Variants in POM121C observed in about 807,000 individuals in gnomAD.
POM121C encodes nuclear envelope pore membrane protein POM 121C.
Under a neutral mutation model 66.4 loss-of-function variants are expected in POM121C, and 20 were observed. That is an observed-to-expected ratio of 0.30 (90% CI 0.21 to 0.44). The LOEUF (loss-of-function observed/expected upper bound fraction) is 0.44. Ranked by LOEUF, POM121C falls within the 20% of genes least tolerant of loss-of-function variation. The pLI is 1.00. For synonymous variants in POM121C, 286 were observed against 528.0 expected (o/e 0.54, Z 6.28); for missense variants, 580 against 1,225.7 (o/e 0.47, Z 7.87).
intron 3 of POM121C, chr7:75,442,423 C>G: frequency 3.5e-6 from 5 of 1,437,156 alleles, no homozygotes; most frequent in Non-Finnish European, 4.5e-6. Context: ...TGGCTGTCGA[C>G]TTGGCCGGAG....
intron 1 of POM121C, among the ~76,000 whole-genome samples, chr7:75,476,363 T>C (rs1352556692): frequency 7.9e-5 from 12 of 151,752 alleles, no homozygotes; most frequent in Admixed American, 1.3e-4. Context: ...TCCCAAAGTA[T>C]TGGGATTACA....
At chr7:75,423,326 C>T in intron 12 of POM121C, 123 bp from the exon 13 acceptor site, 1 of 999,788 alleles carries the variant, frequency 1.0e-6, no homozygotes, top group Non-Finnish European at 1.5e-6. Context: ...TCAATAAACT[C>T]AGCTAAGTCT....
At chr7:75,439,883 A>AT (rs59967197) in intron 5 of POM121C, among the ~76,000 whole-genome samples, 49,698 of 138,756 alleles carry the variant, frequency 0.36, 11,023 homozygotes, top group East Asian at 0.87. Flanking sequence ...CACATAAGGA[A>AT]TTTTTTTTTT....
At chr7:75,472,345 T>C (rs1791911850) in intron 3 of POM121C, among the ~76,000 whole-genome samples, 1 of 151,382 alleles carries the variant, frequency 6.6e-6, no homozygotes. Context: ...AAACCCCGTC[T>C]CTACTAAAAA....
In POM121C at chr7:75,441,113, G is replaced by A; in HGVS notation, c.68C>T (p.Pro23Leu). 6.2e-7 allele frequency: 1 copy of A among 1,612,878 alleles called. No homozygotes were observed. Among genetic ancestry groups the A allele is most frequent in the African/African-American group, 1.3e-5 (1 of 74,856 alleles). ...PDRRFSRSAI[P>L]EQIISSTLSS... is the part of the protein sequence containing the mutation. ...CAGTGTTGAGCTGATTATCTGCTCT[G>A]GTCTATAATGAAAGACAAGATTCTA... The change falls in exon 5 of 15, where the codon CCA becomes CTA. Residue 23 changes from proline (P) to leucine (L), a missense_variant and splice_region_variant. Coordinates refer to ENST00000615331, the MANE Select transcript of POM121C (RefSeq NM_001099415.3).
At chr7:75,427,440 GAAACAAA>G (rs1185737317) in intron 7 of POM121C, among the ~76,000 whole-genome samples, 1 of 147,478 alleles carries the variant, frequency 6.8e-6, no homozygotes, top group Non-Finnish European at 1.5e-5. Context: ...GTCTCAAAAA[GAAACAAA>G]AAACAAAAAC....
chr7:75,483,182 C>A (rs1386218186), intron 1 of POM121C, among the ~76,000 whole-genome samples: 1 of 152,132 alleles, frequency 6.6e-6, no homozygotes, highest in Non-Finnish European at 1.5e-5. Context: ...GGGCAGCAGG[C>A]CCTCTGCTTA....
intron 4 of POM121C, 92 bp downstream of exon 4, chr7:75,441,340 T>C (rs1225701525): frequency 3.3e-5 from 47 of 1,431,988 alleles, no homozygotes; most frequent in Admixed American, 4.0e-5. Flanking sequence ...GTCCTTTCTT[T>C]TTTGCGTTGT....
intron 1 of POM121C, among the ~76,000 whole-genome samples, chr7:75,482,683 C>T (rs2116557518): frequency 6.6e-6 from 1 of 151,932 alleles, no homozygotes; most frequent in South Asian, 2.1e-4. Context: ...GAGCAAGACC[C>T]TATCTCAAAA....
intron 7 of POM121C, among the ~76,000 whole-genome samples, chr7:75,433,574 T>C (rs1190871702): frequency 6.6e-6 from 1 of 152,076 alleles, no homozygotes; most frequent in East Asian, 1.9e-4. Context: ...TTAGCCAGGA[T>C]AGTCTTAATC....
Position 75,485,953 on chromosome 7 carries a change from C to G in POM121C, c.-547G>C, listed in dbSNP as rs587625331. 4,200 of 498,568 alleles carry G rather than the reference C, an allele frequency of 8.4e-3. 34 individuals are homozygous for G. Among genetic ancestry groups the G allele is most frequent in the Non-Finnish European group, 0.011 (2,847 of 252,256 alleles). The allele number at this position is 498,568 out of a possible 1,614,324, so 30.9% of individuals were successfully genotyped here. A position where few individuals can be genotyped will look rare whatever the true frequency, so the allele number is the denominator to read the frequency against. On this transcript the variant is annotated 5_prime_UTR_variant, in exon 1 of 15. Transcript: ENST00000615331. ...GGCGCGCGCGTCTGCTCGCGAGGTC[C>G]CCTCCTGTCCACCTCACCAAGGCTG...
intron 3 of POM121C, among the ~76,000 whole-genome samples, chr7:75,461,911 T>G (rs1410278838): frequency 6.7e-6 from 1 of 149,796 alleles, no homozygotes; most frequent in Non-Finnish European, 1.5e-5. Context: ...TATGTAAAAG[T>G]GAAAATATAA....
chr7:75,452,467 C>T (rs1215520414), intron 3 of POM121C, among the ~76,000 whole-genome samples: 3 of 152,182 alleles, frequency 2.0e-5, no homozygotes, highest in Non-Finnish European at 2.9e-5. Context: ...AACAAAAAAA[C>T]AGTGCATGTT....
intron 1 of POM121C, 111 bp downstream of exon 1, chr7:75,485,753 C>G: frequency 2.5e-6 from 1 of 402,152 alleles, no homozygotes; most frequent in Non-Finnish European, 4.9e-6. Context: ...CAACACATGT[C>G]TCTCCGGCAA....
intron 7 of POM121C, among the ~76,000 whole-genome samples, chr7:75,429,320 T>G (rs781865047): frequency 3.3e-5 from 5 of 152,220 alleles, no homozygotes; most frequent in African/African-American, 4.8e-5. Context: ...GAAGACACTA[T>G]TTATAATAGC....
intron 7 of POM121C, among the ~76,000 whole-genome samples, chr7:75,428,560 C>CA (rs1790051073): frequency 6.6e-6 from 1 of 152,118 alleles, no homozygotes; most frequent in Non-Finnish European, 1.5e-5. Context: ...CCAGCCTGGG[C>CA]AACACAGAAA....
At chr7:75,442,520 C>T (rs1320522671) in intron 3 of POM121C, 3 of 1,442,472 alleles carry the variant, frequency 2.1e-6, no homozygotes, top group Non-Finnish European at 2.7e-6. Flanking sequence ...GCTCAGTCCC[C>T]ACCAGGCCGC....
In POM121C at chr7:75,424,111, G is replaced by A; in HGVS notation, c.986C>T (p.Thr329Ile). Reference protein sequence around the residue: ...SPPTSLLAPSTNPLLESLKKM... With the variant: ...SPPTSLLAPSINPLLESLKKM... Reference sequence around the variant, plus strand: ...CTTCAAGCTCTCTAACAGTGGGTTGGTGCTTGGGGCCAGGAGGGAGGTGGG... The same window carrying A: ...CTTCAAGCTCTCTAACAGTGGGTTGATGCTTGGGGCCAGGAGGGAGGTGGG... The change falls in exon 12 of 15, where the codon ACC (threonine) becomes ATC (isoleucine). Residue 329 changes from threonine (T) to isoleucine (I), a missense_variant. Transcript: ENST00000615331. The A allele has an allele frequency of 1.2e-6, 2 of 1,611,884 alleles. No homozygotes were observed. The highest frequency in any genetic ancestry group is 2.2e-5 in the East Asian group (1 of 44,886).
rs587607124 is a variant in POM121C at position 75,469,646 on chromosome 7, T to A, written c.-152+5058A>T. ...CCATTTTATTCAGAGTAAAAGACAA[T>A]CCTTATGATCCTCACCAAGGCATGA... On this transcript the variant is annotated intron_variant, in intron 3 of 14. Coordinates refer to ENST00000615331, the MANE Select transcript of POM121C (RefSeq NM_001099415.3). 6.6e-5 allele frequency among the ~76,000 whole-genome samples: 10 copies of A among 152,316 alleles called. No homozygotes were observed. The East Asian group carries it at 1.9e-3, about 29-fold the overall frequency.
Sources: gnomAD v4.1 joint callset for allele counts (sites outside exome capture counted in the v4.1 genomes callset) on GRCh38, gnomAD v4.1.1 for gene constraint, MANE v1.5 for transcripts, NCBI Gene and HGNC (gene_info 2026-07-23, HGNC 2026-07-21) for gene names.